PEAK1: variants seen among roughly 807,000 people sequenced by gnomAD.
PEAK1 encodes the protein pseudopodium enriched atypical kinase 1, also known as inactive tyrosine-protein kinase PEAK1.
In PEAK1, 54 loss-of-function variants were observed where a neutral mutation model predicts 124.7. That is an observed-to-expected ratio of 0.43 (90% CI 0.35 to 0.54). The LOEUF is 0.54. PEAK1 is among the 20% of genes least tolerant of loss of function. PEAK1 has a pLI of 0.01. For missense variants in PEAK1, 2,046 were observed against 2,134.5 expected, an observed-to-expected ratio of 0.96 and a Z score of 0.82; for synonymous variants, 719 against 760.0, an observed-to-expected ratio of 0.95 and a Z score of 0.89.
intron 2 of PEAK1, among the ~76,000 whole-genome samples, chr15:77,297,080 C>T (rs1467149396): frequency 6.6e-6 from 1 of 151,794 alleles, no homozygotes; most frequent in Non-Finnish European, 1.5e-5. Flanking sequence ...CACTGTCATT[C>T]CCAGTTAGGA....
chr15:77,374,732 A>G (rs2068879678), intron 1 of PEAK1, among the ~76,000 whole-genome samples: 1 of 152,212 alleles, frequency 6.6e-6, no homozygotes, highest in South Asian at 2.1e-4. Flanking sequence ...CCATATGATT[A>G]AAATGTTAAA....
intron 5 of PEAK1, among the ~76,000 whole-genome samples, chr15:77,258,442 C>T (rs1424558539): frequency 2.6e-5 from 4 of 152,238 alleles, no homozygotes; most frequent in Admixed American, 6.5e-5. Context: ...AGGTCCTTCA[C>T]GTCCCTTGTA....
intron 1 of PEAK1, among the ~76,000 whole-genome samples, chr15:77,389,508 C>T (rs1176684366): frequency 2.0e-5 from 3 of 152,062 alleles, no homozygotes; most frequent in African/African-American, 4.8e-5. Flanking sequence ...AGAAACGTAA[C>T]AAAGCTGGGA....
chr15:77,264,881 A>T (rs1177273363), intron 5 of PEAK1, among the ~76,000 whole-genome samples: 1 of 152,064 alleles, frequency 6.6e-6, no homozygotes, highest in Non-Finnish European at 1.5e-5. Context: ...TAACCAAAAC[A>T]GCATGGTACT....
At chr15:77,418,369 T>C in intron 1 of PEAK1, 1 of 985,180 alleles carries the variant, frequency 1.0e-6, no homozygotes, top group Non-Finnish European at 1.2e-6. Context: ...AATGTAGTCA[T>C]GTTAGAGAAT....
chr15:77,257,778 T>G (rs2061234968), intron 5 of PEAK1, among the ~76,000 whole-genome samples: 1 of 152,088 alleles, frequency 6.6e-6, no homozygotes, highest in Non-Finnish European at 1.5e-5. Flanking sequence ...TTGCTTTTGG[T>G]GTTTTAGACA....
At chr15:77,238,115 C>T (rs903570742) in intron 6 of PEAK1, among the ~76,000 whole-genome samples, 11 of 151,986 alleles carry the variant, frequency 7.2e-5, no homozygotes, top group Admixed American at 2.0e-4. Flanking sequence ...TGGTTTTGAA[C>T]GAAAATATTG....
intron 8 of PEAK1, among the ~76,000 whole-genome samples, chr15:77,136,170 T>C (rs1242919631): frequency 6.6e-6 from 1 of 152,210 alleles, no homozygotes; most frequent in African/African-American, 2.4e-5. Context: ...CGTTGTGAAC[T>C]GGAGCAAAGG....
chr15:77,298,132 G>T (rs1597170840), intron 2 of PEAK1, among the ~76,000 whole-genome samples: 1 of 115,424 alleles, frequency 8.7e-6, no homozygotes, highest in Admixed American at 9.5e-5. Context: ...CAAATAATCT[G>T]CCCTCTGATC....
At chr15:77,373,915 G>A (rs2141717383) in intron 1 of PEAK1, among the ~76,000 whole-genome samples, 1 of 152,196 alleles carries the variant, frequency 6.6e-6, no homozygotes, top group South Asian at 2.1e-4. Flanking sequence ...GAAAAATCCA[G>A]ATACTAAAGT....
intron 5 of PEAK1, among the ~76,000 whole-genome samples, chr15:77,255,806 T>A (rs2061098242): frequency 6.6e-6 from 1 of 152,222 alleles, no homozygotes; most frequent in African/African-American, 2.4e-5. Flanking sequence ...ATTTCAATCC[T>A]GCTTCAGATA....
intron 6 of PEAK1, among the ~76,000 whole-genome samples, chr15:77,203,466 A>C (rs1374278021): frequency 6.6e-6 from 1 of 152,194 alleles, no homozygotes; most frequent in East Asian, 1.9e-4. Context: ...AACCCAAAGA[A>C]TAAACACAAT....
At chr15:77,244,079 T>C (rs959489833) in intron 6 of PEAK1, among the ~76,000 whole-genome samples, 1 of 152,192 alleles carries the variant, frequency 6.6e-6, no homozygotes, top group Admixed American at 6.5e-5. Context: ...AAGACTCCTT[T>C]ATGAAAAAAA....
intron 2 of PEAK1, among the ~76,000 whole-genome samples, chr15:77,301,988 T>C (rs2063811429): frequency 2.0e-5 from 3 of 152,226 alleles, no homozygotes; most frequent in African/African-American, 4.8e-5. Flanking sequence ...GCTTTGGTCA[T>C]TGAAGAACTT....
intron 6 of PEAK1, among the ~76,000 whole-genome samples, chr15:77,226,002 T>C (rs2152887598): frequency 7.2e-6 from 1 of 138,260 alleles, no homozygotes; most frequent in East Asian, 2.1e-4. Flanking sequence ...AAATCAATGC[T>C]TTCTTTTTAA....
chr15:77,404,645 T>G (rs920976275), intron 1 of PEAK1: 7 of 949,286 alleles, frequency 7.4e-6, no homozygotes, highest in African/African-American at 1.8e-5. Context: ...CCCAAGAGAT[T>G]TGAGACATAT....
chr15:77,403,970 C>A (rs950307259), intron 1 of PEAK1: 59 of 966,768 alleles, frequency 6.1e-5, no homozygotes, highest in Middle Eastern at 5.3e-4. Flanking sequence ...CTGCGTGTCA[C>A]AAGGGTTTGG....
At chr15:77,209,866 AT>A (rs1362661848) in intron 6 of PEAK1, among the ~76,000 whole-genome samples, 1 of 152,144 alleles carries the variant, frequency 6.6e-6, no homozygotes, top group Non-Finnish European at 1.5e-5. Flanking sequence ...AGTGAAACTT[AT>A]TTCATATTTC....
At chr15:77,166,129 A>T (rs2056080927) in intron 7 of PEAK1, among the ~76,000 whole-genome samples, 1 of 152,218 alleles carries the variant, frequency 6.6e-6, no homozygotes, top group African/African-American at 2.4e-5. Context: ...AAACCAAAAA[A>T]GTTAATAATT....
Sources: allele counts gnomAD v4.1 joint callset (sites outside exome capture counted in the v4.1 genomes callset), GRCh38; gene constraint gnomAD v4.1.1; transcripts MANE v1.5; gene names NCBI Gene and HGNC (gene_info 2026-07-23, HGNC 2026-07-21).